Variants in RPH3A observed in about 807,000 individuals in gnomAD.
RPH3A encodes the protein rabphilin 3A, also known as rabphilin-3A.
In RPH3A, 48 loss-of-function variants were observed where a neutral mutation model predicts 102.2. That is an observed-to-expected ratio of 0.47 (90% CI 0.37 to 0.60). RPH3A has a LOEUF of 0.60. Among genes scored for constraint, RPH3A ranks in the 20% least tolerant of loss-of-function variants. The pLI is 0.00. For missense variants in RPH3A, 781 were observed against 910.1 expected, an observed-to-expected ratio of 0.86 and a Z score of 1.83; for synonymous variants, 310 against 324.3, an observed-to-expected ratio of 0.96 and a Z score of 0.47.
Position 112,875,079 on chromosome 12 carries a change from T to C in RPH3A, c.797-5T>C. The C allele has an allele frequency of 6.2e-7, 1 of 1,604,018 alleles. No individual in the cohort carries two copies. Among genetic ancestry groups the C allele is most frequent in the Non-Finnish European group, 8.5e-7 (1 of 1,175,544 alleles). ...AATGGCTGTTTTCTTTTCTTTCCTC[T>C]GCAGGTTTGAGACGGGCCAACTCAG... On this transcript the variant is annotated splice_region_variant and splice_polypyrimidine_tract_variant and intron_variant, in intron 10 of 21. Coordinates refer to ENST00000389385, the MANE Select transcript of RPH3A (RefSeq NM_001143854.2).
intron 13 of RPH3A, 43 bp downstream of exon 13, chr12:112,876,909 C>G (rs762140392): frequency 1.4e-6 from 2 of 1,475,550 alleles, no homozygotes; most frequent in Non-Finnish European, 1.8e-6. Flanking sequence ...AAAATCACTT[C>G]AGGAGCCAAG....
In RPH3A at chr12:112,866,828, T is replaced by A. The variant is rs2042619281; in HGVS notation, c.432T>A (p.Ile144=). The change falls in exon 7 of 22, where the codon ATT becomes ATA. Residue 144 remains isoleucine, a synonymous_variant. Transcript: ENST00000389385. ...CTGTGTGGCTCTGCAAAATCTGCAT[T>A]GAGCAGAGGGAGGTGAGTGCCCTGG... ...LHSVWLCKIC[I]EQREVWKRSG... 6.2e-7 allele frequency: 1 copy of A among 1,609,590 alleles called. No individual in the cohort carries two copies. Among genetic ancestry groups the A allele is most frequent in the Non-Finnish European group, 8.5e-7 (1 of 1,177,706 alleles).
Position 112,896,683 on chromosome 12 carries a change from A to G in RPH3A, c.1988A>G (p.Glu663Gly), listed in dbSNP as rs904566579. 1.9e-6 allele frequency: 3 copies of G among 1,613,926 alleles called. No homozygotes were observed. Among genetic ancestry groups the G allele is most frequent in the Non-Finnish European group, 2.5e-6 (3 of 1,179,962 alleles). The change falls in exon 22 of 22, where the codon GAG becomes GGG. Residue 663 changes from glutamate (E) to glycine (G), a missense_variant. Physicochemically the swap from Glu to Gly is moderately conservative, Grantham distance 98 (BLOSUM62 -2). This residue lies in a region of RPH3A where 51 missense variants were observed against 100.1 expected (regional missense o/e 0.51). Coordinates refer to ENST00000389385, the MANE Select transcript of RPH3A (RefSeq NM_001143854.2). ...CAGCTGGGGATCTCTGCCAAGGGAG[A>G]GCGCTTAAAACACTGGTACGAGTGT... is the stretch of plus-strand genomic sequence containing the variant. ...GCQLGISAKGERLKHWYECLK... is the reference protein window; with the variant it reads ...GCQLGISAKGGRLKHWYECLK...
At chr12:112,607,426 T>C (rs1355131399) in intron 1 of RPH3A, among the ~76,000 whole-genome samples, 6 of 152,228 alleles carry the variant, frequency 3.9e-5, no homozygotes, top group East Asian at 3.8e-4. Flanking sequence ...TTTATGTACA[T>C]AATTACCCGT....
intron 3 of RPH3A, among the ~76,000 whole-genome samples, chr12:112,834,787 G>A (rs1034751376): frequency 1.3e-5 from 2 of 152,090 alleles, no homozygotes; most frequent in African/African-American, 4.8e-5. Context: ...TTAAAATCAG[G>A]TAATTCATCT....
chr12:112,792,473 G>A (rs2041140359), intron 2 of RPH3A, among the ~76,000 whole-genome samples: 1 of 152,212 alleles, frequency 6.6e-6, no homozygotes, highest in Non-Finnish European at 1.5e-5. Flanking sequence ...GCCCAGGGAG[G>A]GGGTAAAATG....
chr12:112,631,014 T>C (rs1479503591), intron 1 of RPH3A, among the ~76,000 whole-genome samples: 1 of 151,848 alleles, frequency 6.6e-6, no homozygotes, highest in Non-Finnish European at 1.5e-5. Context: ...GAGGAGAAAA[T>C]ATTCCAGGTA....
intron 1 of RPH3A, among the ~76,000 whole-genome samples, chr12:112,613,153 C>T (rs941693645): frequency 6.6e-6 from 1 of 152,124 alleles, no homozygotes; most frequent in African/African-American, 2.4e-5. Flanking sequence ...GAAACTGAGA[C>T]TCATAAAGGG....
intron 1 of RPH3A, among the ~76,000 whole-genome samples, chr12:112,673,374 C>T (rs113181557): frequency 5.3e-5 from 8 of 151,858 alleles, no homozygotes; most frequent in African/African-American, 1.2e-4. Flanking sequence ...TCTGTTGCCT[C>T]GGCTGGTATA....
chr12:112,776,594 G>A (rs1403024849), intron 1 of RPH3A, among the ~76,000 whole-genome samples: 1 of 152,132 alleles, frequency 6.6e-6, no homozygotes, highest in Non-Finnish European at 1.5e-5. Context: ...TGCAAAGCCG[G>A]CTGGGCACAA....
At chr12:112,675,215 C>A (rs1304104961) in intron 1 of RPH3A, among the ~76,000 whole-genome samples, 2 of 152,134 alleles carry the variant, frequency 1.3e-5, no homozygotes, top group African/African-American at 4.8e-5. Flanking sequence ...TCTCTGATGA[C>A]TTATCCCTAG....
chr12:112,593,532 C>G (rs1340696497), intron 1 of RPH3A, among the ~76,000 whole-genome samples: 1 of 152,178 alleles, frequency 6.6e-6, no homozygotes, highest in African/African-American at 2.4e-5. Context: ...TAGAAAAGCT[C>G]TTGACAGCCA....
At position 112,798,649 on chromosome 12, in the gene RPH3A, T is replaced by C. The variant is rs186613413; in HGVS notation, c.-19+6386T>C. Among the ~76,000 whole-genome samples, 24 of 152,270 alleles carry C rather than the reference T, an allele frequency of 1.6e-4. No individual in the cohort carries two copies. In the East Asian group the frequency reaches 3.3e-3, roughly 21 times the overall value. ...CCGCTCCATTGCACATCTTCCTCCC[T>C]GCCCCCTTTCCCCTTTCCGTCTCTG... On this transcript the variant is annotated intron_variant, in intron 2 of 21. Coordinates refer to ENST00000389385, the MANE Select transcript of RPH3A (RefSeq NM_001143854.2).
upstream of RPH3A, among the ~76,000 whole-genome samples, chr12:112,788,173 G>T (rs1318687408): frequency 6.6e-6 from 1 of 152,232 alleles, no homozygotes; most frequent in Non-Finnish European, 1.5e-5. Context: ...GATGGGGCAA[G>T]GTCCCCTGAC....
chr12:112,720,474 C>T (rs951513937), intron 1 of RPH3A, among the ~76,000 whole-genome samples: 1 of 152,166 alleles, frequency 6.6e-6, no homozygotes, highest in African/African-American at 2.4e-5. Context: ...ATTTTCCTTC[C>T]AGTTTTAATG....
chr12:112,692,240 T>C (rs1162979318), intron 1 of RPH3A, among the ~76,000 whole-genome samples: 1 of 152,164 alleles, frequency 6.6e-6, no homozygotes, highest in Non-Finnish European at 1.5e-5. Context: ...ATAGGAGGAA[T>C]AATTTTTAGT....
intron 1 of RPH3A, among the ~76,000 whole-genome samples, chr12:112,586,115 C>A (rs1197436040): frequency 6.6e-6 from 1 of 152,196 alleles, no homozygotes; most frequent in Non-Finnish European, 1.5e-5. Flanking sequence ...AAAGGTTGAG[C>A]TGCTTCAGGT....
chr12:112,822,443 T>G (rs1384639178), intron 2 of RPH3A, among the ~76,000 whole-genome samples: 1 of 152,196 alleles, frequency 6.6e-6, no homozygotes, highest in African/African-American at 2.4e-5. Flanking sequence ...GTTTTTTCCA[T>G]TCAACTACAA....
intron 12 of RPH3A, among the ~76,000 whole-genome samples, 180 bp from the exon 13 acceptor site, chr12:112,876,462 T>A (rs569994675): frequency 6.6e-6 from 1 of 152,250 alleles, no homozygotes; most frequent in Admixed American, 6.5e-5. Context: ...ACAAGGTCTG[T>A]TTTGCTTACA....
Sources: allele counts gnomAD v4.1 joint callset (sites outside exome capture counted in the v4.1 genomes callset), GRCh38; gene constraint gnomAD v4.1.1; regional missense constraint gnomAD v4.1.1; transcripts MANE v1.5; gene names NCBI Gene and HGNC (gene_info 2026-07-23, HGNC 2026-07-21).